The following SPEN variants were observed in gnomAD, a reference collection of about 807,000 sequenced individuals.
SPEN encodes the protein spen family transcriptional repressor.
In SPEN, 18 loss-of-function variants were observed where a neutral mutation model predicts 269.9. The observed-to-expected ratio is 0.07, with a 90% CI of 0.05 to 0.10. SPEN has a LOEUF of 0.10. Among genes scored for constraint, SPEN ranks in the 10% least tolerant of loss-of-function variants. The pLI is 1.00. For synonymous variants in SPEN, 1,726 were observed against 1,765.7 expected (o/e 0.98, Z 0.56); for missense variants, 3,822 against 4,631.2 (o/e 0.83, Z 5.07).
Position 15,935,964 on chromosome 1 carries a change from G to GCCCCCCCCCCCCC in SPEN, c.9729_9730insCCCCCCCCCCCCC (p.Thr3244ProfsTer27). On this transcript the variant is annotated frameshift_variant, in exon 11 of 15. Coordinates refer to ENST00000375759, the MANE Select transcript of SPEN (RefSeq NM_015001.3). LOFTEE classifies it high-confidence loss of function. This position sits in a 1 kb window ranked among gnomAD's most constrained non-coding sequence, Gnocchi z 7.7. Reference sequence around the variant, plus strand: ...TGCCAAGACACCAGATGCCAAAGCTGCCCCCACCCCCACCCCTGCCCCCGT... The same window carrying GCCCCCCCCCCCCC: ...TGCCAAGACACCAGATGCCAAAGCTGCCCCCCCCCCCCCCCCCCACCCCCACCCCTGCCCCCGT... 6.4e-6 allele frequency: 10 copies of GCCCCCCCCCCCCC among 1,568,110 alleles called. No individual in the cohort carries two copies. The highest frequency in any genetic ancestry group is 2.3e-5 in the East Asian group (1 of 43,076).
rs759706624 is a variant in SPEN, at chr1:15,876,546, C to A, written c.749C>A (p.Ser250Tyr). 6.2e-7 allele frequency: 1 copy of A among 1,614,094 alleles called. No individual in the cohort carries two copies. The highest frequency in any genetic ancestry group is 2.2e-5 in the East Asian group (1 of 44,872). ...SRSRSPHSSQ[S>Y]RNQSPQRLAS... ...AGTCGGTCACCACATTCATCCCAGT[C>A]TAGAAATCAGTCTCCTCAGAGACTG... The change falls in exon 3 of 15, where the codon TCT (serine) becomes TAT (tyrosine). Residue 250 changes from serine to tyrosine, a missense_variant. Coordinates refer to ENST00000375759, the MANE Select transcript of SPEN (RefSeq NM_015001.3).
At chr1:15,866,192 T>C (rs1434612340) in intron 1 of SPEN, among the ~76,000 whole-genome samples, 2 of 152,030 alleles carry the variant, frequency 1.3e-5, no homozygotes, top group Non-Finnish European at 2.9e-5. Flanking sequence ...TACTTCAGGG[T>C]ATGAGCTTTT....
chr1:15,849,039 G>C (rs2070306307), intron 1 of SPEN, among the ~76,000 whole-genome samples: 1 of 152,028 alleles, frequency 6.6e-6, no homozygotes, highest in Non-Finnish European at 1.5e-5. Flanking sequence ...AATAAATGTT[G>C]TCGTTGATAC....
intron 3 of SPEN, among the ~76,000 whole-genome samples, chr1:15,885,954 G>T (rs1397601466): frequency 6.6e-6 from 1 of 152,120 alleles, no homozygotes; most frequent in Non-Finnish European, 1.5e-5. Context: ...GTTTTAGGGG[G>T]TCATATTAGC....
intron 10 of SPEN, among the ~76,000 whole-genome samples, chr1:15,926,805 T>G (rs970448431): frequency 3.3e-5 from 5 of 151,902 alleles, no homozygotes; most frequent in African/African-American, 1.2e-4. Context: ...CCATTCTCCT[T>G]CCTCAGCCTC....
chr1:15,849,447 T>TA (rs907241030), intron 1 of SPEN, among the ~76,000 whole-genome samples: 1 of 152,238 alleles, frequency 6.6e-6, no homozygotes, highest in African/African-American at 2.4e-5. Flanking sequence ...ACTGGGGCAT[T>TA]AAACCCTCGC....
intron 6 of SPEN, among the ~76,000 whole-genome samples, chr1:15,918,218 ATATTT>A (rs1407800424): frequency 6.6e-6 from 1 of 152,170 alleles, no homozygotes; most frequent in East Asian, 1.9e-4. Flanking sequence ...CTCAGATATC[ATATTT>A]TATTTTATTT....
In SPEN at chr1:15,933,594, T is replaced by G. The variant is rs755620089; in HGVS notation, c.7354T>G (p.Ser2452Ala). The change falls in exon 11 of 15, where the codon TCC (serine) becomes GCC (alanine). Residue 2452 changes from serine to alanine, a missense_variant. Ser to Ala is a moderately conservative substitution (Grantham distance 99, BLOSUM62 1). Transcript: ENST00000375759. The surrounding 1 kb of genome is among the most constrained non-coding windows in gnomAD (Gnocchi z 5.7). ...GCCTCAAGCCAGGTTCAGGGTGCAT[T>G]CCATCATTGAAAGTGACCCGGTGAC... ...EEPQARFRVHSIIESDPVTPP... is the reference protein window; with the variant it reads ...EEPQARFRVHAIIESDPVTPP... 13 of 1,613,752 alleles carry G rather than the reference T, an allele frequency of 8.1e-6. No individual in the cohort carries two copies. Among genetic ancestry groups the G allele is most frequent in the Admixed American group, 1.7e-5 (1 of 59,986 alleles).
In SPEN at chr1:15,934,502, G is replaced by A. The variant is rs562468469; in HGVS notation, c.8262G>A (p.Thr2754=). The A allele has an allele frequency of 2.2e-5, 36 of 1,614,056 alleles. 1 individual carries two copies. Among genetic ancestry groups the A allele is most frequent in the Middle Eastern group, 1.6e-4 (1 of 6,062 alleles). ...GAVTAASGGV[T]ATTGTVTMAG... is the part of the protein sequence containing the mutation. Reference sequence around the variant, plus strand: ...TTACTGCTGCATCTGGTGGTGTAACGGCCACAACAGGCACGGTGACAATGG... The same window carrying A: ...TTACTGCTGCATCTGGTGGTGTAACAGCCACAACAGGCACGGTGACAATGG... The change falls in exon 11 of 15, where the codon ACG becomes ACA. Residue 2754 remains threonine (T), a synonymous_variant. Coordinates refer to ENST00000375759, the MANE Select transcript of SPEN (RefSeq NM_015001.3). The surrounding 1 kb of genome is among the most constrained non-coding windows in gnomAD (Gnocchi z 9.2).
At chr1:15,927,049 G>A (rs995650654) in intron 10 of SPEN, among the ~76,000 whole-genome samples, 1 of 152,230 alleles carries the variant, frequency 6.6e-6, no homozygotes, top group South Asian at 2.1e-4. Flanking sequence ...AATGAGCCAG[G>A]TGTATCTACA....
chr1:15,922,542 T>C (rs2071129350), intron 10 of SPEN, among the ~76,000 whole-genome samples, 193 bp downstream of exon 10: 1 of 152,204 alleles, frequency 6.6e-6, no homozygotes, highest in South Asian at 2.1e-4. Context: ...GTAATTCCTA[T>C]GGGTTTGGAG....
Position 15,934,338 on chromosome 1 carries a change from C to G in SPEN, c.8098C>G (p.Leu2700Val). ...VNVLKGPVNV[L>V]TGPVNVLTTP... ...CGTCCTGAAAGGGCCTGTGAATGTTCTTACGGGGCCAGTGAATGTTCTCAC... is the reference window on the plus strand; with the variant it reads ...CGTCCTGAAAGGGCCTGTGAATGTTGTTACGGGGCCAGTGAATGTTCTCAC... The change falls in exon 11 of 15, where the codon CTT becomes GTT. Residue 2700 changes from leucine to valine, a missense_variant. Coordinates refer to ENST00000375759, the MANE Select transcript of SPEN (RefSeq NM_015001.3). This position sits in a 1 kb window ranked among gnomAD's most constrained non-coding sequence, Gnocchi z 9.2. The G allele has an allele frequency of 1.2e-6, 2 of 1,613,736 alleles. No individual in the cohort carries two copies. The highest frequency in any genetic ancestry group is 8.5e-7 in the Non-Finnish European group (1 of 1,180,036).
intron 3 of SPEN, among the ~76,000 whole-genome samples, chr1:15,904,891 C>CTTT (rs869308621): frequency 6.9e-6 from 1 of 144,284 alleles, no homozygotes. Flanking sequence ...TTGTCTCTCT[C>CTTT]TTTTTTTTTT....
At chr1:15,854,248 T>A (rs1329048063) in intron 1 of SPEN, among the ~76,000 whole-genome samples, 3 of 152,148 alleles carry the variant, frequency 2.0e-5, no homozygotes, top group Non-Finnish European at 4.4e-5. Flanking sequence ...ATTAGATGAT[T>A]TGAAATAAGT....
Position 15,931,639 on chromosome 1 carries a change from C to T in SPEN, c.5399C>T (p.Pro1800Leu), listed in dbSNP as rs1381948969. ...GAAGCTGCTCCTGAGTCTCAGCCCCCAGCTTCTGAAGATTTAGAGGTTGAT... is the reference window on the plus strand; with the variant it reads ...GAAGCTGCTCCTGAGTCTCAGCCCCTAGCTTCTGAAGATTTAGAGGTTGAT... Reference protein sequence around the residue: ...KAEAAPESQPPASEDLEVDPP... With the variant: ...KAEAAPESQPLASEDLEVDPP... Residue 1800 changes from proline to leucine, a missense_variant, in exon 11 of 15, where the codon CCA becomes CTA. Coordinates refer to ENST00000375759, the MANE Select transcript of SPEN (RefSeq NM_015001.3). The surrounding 1 kb of genome is among the most constrained non-coding windows in gnomAD (Gnocchi z 4.8). 1 of 1,614,222 alleles carries T rather than the reference C, an allele frequency of 6.2e-7. No homozygotes were observed. Among genetic ancestry groups the T allele is most frequent in the Admixed American group, 1.7e-5 (1 of 60,024 alleles).
chr1:15,926,400 C>G (rs747237973), intron 10 of SPEN, among the ~76,000 whole-genome samples: 6 of 151,146 alleles, frequency 4.0e-5, no homozygotes, highest in Non-Finnish European at 7.4e-5. Context: ...CACACACACA[C>G]ACACACACAC....
intron 2 of SPEN, among the ~76,000 whole-genome samples, chr1:15,875,826 A>G (rs1485972153): frequency 2.6e-5 from 4 of 152,214 alleles, no homozygotes; most frequent in African/African-American, 9.6e-5. Context: ...AATTTGGTAT[A>G]TACTTTAATC....
intron 3 of SPEN, among the ~76,000 whole-genome samples, chr1:15,889,787 C>T (rs1289865235): frequency 6.6e-6 from 1 of 152,084 alleles, no homozygotes; most frequent in African/African-American, 2.4e-5. Flanking sequence ...CATCTTGGCT[C>T]ACTACAATCT....
rs749276760 is a variant in SPEN, at chr1:15,931,164, G to T, written c.4924G>T (p.Val1642Phe). The T allele has an allele frequency of 1.2e-5, 19 of 1,614,208 alleles. No homozygotes were observed. In the South Asian group the frequency reaches 2.1e-4, roughly 18 times the overall value. The change falls in exon 11 of 15, where the codon GTC (valine) becomes TTC (phenylalanine). Residue 1642 changes from valine to phenylalanine, a missense_variant. Val to Phe is a conservative substitution (Grantham distance 50). Coordinates refer to ENST00000375759, the MANE Select transcript of SPEN (RefSeq NM_015001.3). This position sits in a 1 kb window ranked among gnomAD's most constrained non-coding sequence, Gnocchi z 4.8. Reference sequence around the variant, plus strand: ...TCCACCTTCCGTTGGGCCTCCAAGTGTCACAGTCGTAACTCTAGAATCAGC... The same window carrying T: ...TCCACCTTCCGTTGGGCCTCCAAGTTTCACAGTCGTAACTCTAGAATCAGC... Reference protein sequence around the residue: ...KTPPSVGPPSVTVVTLESAPS... With the variant: ...KTPPSVGPPSFTVVTLESAPS...
Sources: gnomAD v4.1 joint callset for allele counts (sites outside exome capture counted in the v4.1 genomes callset) on GRCh38, gnomAD v4.1.1 for gene constraint, Gnocchi (gnomAD v3.1) non-coding constraint, MANE v1.5 for transcripts, NCBI Gene and HGNC (gene_info 2026-07-23, HGNC 2026-07-21) for gene names.